The following SYT1 variants were observed in gnomAD, a reference collection of about 807,000 sequenced individuals.
SYT1 encodes synaptotagmin-1.
A neutral mutation model predicts 44.8 loss-of-function variants in SYT1; 8 were observed. The observed-to-expected ratio is 0.18, with a 90% CI of 0.10 to 0.32. SYT1 has a LOEUF of 0.32. Ranked by LOEUF, SYT1 falls within the 10% of genes least tolerant of loss-of-function variation. The probability of loss-of-function intolerance (pLI) is 1.00; values close to 1 mark genes in which losing one functional copy is unlikely to be tolerated. For synonymous variants in SYT1, 154 were observed against 188.8 expected, an observed-to-expected ratio of 0.82 and a Z score of 1.51; for missense variants, 286 against 509.3, an observed-to-expected ratio of 0.56 and a Z score of 4.22.
At chr12:79,345,249 A>T (rs1266586811) in intron 8 of SYT1, among the ~76,000 whole-genome samples, 1 of 152,216 alleles carries the variant, frequency 6.6e-6, no homozygotes. Flanking sequence ...TACAAAGAAC[A>T]TGCATTTGGG....
intron 9 of SYT1, among the ~76,000 whole-genome samples, chr12:79,365,361 TTATAAA>T (rs971728928): frequency 1.3e-5 from 2 of 152,076 alleles, no homozygotes; most frequent in Non-Finnish European, 1.5e-5. Context: ...AGTAATTCTC[TTATAAA>T]TATAACTATG....
At chr12:79,301,404 C>T (rs117659762) in intron 8 of SYT1, among the ~76,000 whole-genome samples, 16 of 152,186 alleles carry the variant, frequency 1.1e-4, no homozygotes, top group Admixed American at 3.3e-4. Context: ...TCTTTGAGTA[C>T]GAGCAGAGTT....
chr12:79,160,865 C>T (rs1253217714), intron 3 of SYT1, among the ~76,000 whole-genome samples: 1 of 152,050 alleles, frequency 6.6e-6, no homozygotes, highest in Non-Finnish European at 1.5e-5. Context: ...GTAAGCTATA[C>T]TTAGCAGAAG....
At chr12:79,104,810 G>A (rs925775875) in intron 3 of SYT1, among the ~76,000 whole-genome samples, 7 of 152,084 alleles carry the variant, frequency 4.6e-5, no homozygotes, top group African/African-American at 1.7e-4. Context: ...TTTGAAAGAG[G>A]AGAGAATGGG....
intron 2 of SYT1, among the ~76,000 whole-genome samples, chr12:79,034,863 T>C (rs904070530): frequency 2.0e-5 from 3 of 151,700 alleles, no homozygotes; most frequent in African/African-American, 7.3e-5. Context: ...TACCTGTAAG[T>C]TGGTGTCTTA....
At chr12:79,323,174 G>A (rs1323210259) in intron 8 of SYT1, among the ~76,000 whole-genome samples, 3 of 150,624 alleles carry the variant, frequency 2.0e-5, no homozygotes, top group African/African-American at 7.3e-5. Context: ...ACCTATCACA[G>A]CAGGACATAC....
chr12:79,416,135 TAA>T (rs1450032722), intron 9 of SYT1, among the ~76,000 whole-genome samples: 1 of 152,052 alleles, frequency 6.6e-6, no homozygotes, highest in Non-Finnish European at 1.5e-5. Context: ...AGAAAACTAA[TAA>T]GAGAGAGGGA....
At chr12:78,988,290 A>C (rs935413052) in intron 2 of SYT1, among the ~76,000 whole-genome samples, 3 of 151,454 alleles carry the variant, frequency 2.0e-5, no homozygotes, top group Non-Finnish European at 4.4e-5. Flanking sequence ...TAAACAACAT[A>C]AATATATCTA....
At chr12:78,971,123 C>T (rs1868369445) in intron 1 of SYT1, among the ~76,000 whole-genome samples, 2 of 152,086 alleles carry the variant, frequency 1.3e-5, no homozygotes, top group Non-Finnish European at 2.9e-5. Context: ...GAGATTGCAC[C>T]ACTGCACTCC....
In SYT1 at chr12:78,994,792, C is replaced by G. The variant is rs140621692; in HGVS notation, c.-84+16861C>G. ...CCTCGTGATCCACCCGCCTCGGCCTCCCAAAGTGCTGGGATTACAGGCGTG... is the reference window on the plus strand; with the variant it reads ...CCTCGTGATCCACCCGCCTCGGCCTGCCAAAGTGCTGGGATTACAGGCGTG... On this transcript the variant is annotated intron_variant, in intron 2 of 10. Coordinates refer to ENST00000261205, the MANE Select transcript of SYT1 (RefSeq NM_005639.3). Among the ~76,000 whole-genome samples the G allele has an allele frequency of 2.8e-4, 43 of 152,288 alleles. No homozygotes were observed. The East Asian group carries it at 8.3e-3, about 29-fold the overall frequency.
chr12:79,252,568 T>C (rs1877282690), intron 4 of SYT1, among the ~76,000 whole-genome samples: 1 of 152,144 alleles, frequency 6.6e-6, no homozygotes, highest in South Asian at 2.1e-4. Flanking sequence ...ATTTGATTGT[T>C]GATATGAGAT....
At chr12:79,444,876 T>C (rs1870619393) in intron 10 of SYT1, among the ~76,000 whole-genome samples, 1 of 152,152 alleles carries the variant, frequency 6.6e-6, no homozygotes, top group Non-Finnish European at 1.5e-5. Flanking sequence ...ATTTAGGGGT[T>C]TTTGAAAATA....
chr12:79,281,003 A>C (rs1429205057), intron 4 of SYT1, among the ~76,000 whole-genome samples: 1 of 151,734 alleles, frequency 6.6e-6, no homozygotes, highest in Non-Finnish European at 1.5e-5. Flanking sequence ...AAAAAAATAG[A>C]TACTGGCATG....
intron 9 of SYT1, among the ~76,000 whole-genome samples, chr12:79,428,673 G>A (rs1378068996): frequency 6.6e-6 from 1 of 152,128 alleles, no homozygotes; most frequent in African/African-American, 2.4e-5. Context: ...TTCTATTGTG[G>A]GACCACAGTC....
At chr12:78,911,561 T>C (rs571822324) in intron 1 of SYT1, among the ~76,000 whole-genome samples, 1 of 151,172 alleles carries the variant, frequency 6.6e-6, no homozygotes, top group East Asian at 2.0e-4. Flanking sequence ...GAGAAGATGC[T>C]GTATCAAAAA....
intron 3 of SYT1, among the ~76,000 whole-genome samples, chr12:79,067,081 C>A (rs1875921684): frequency 6.6e-6 from 1 of 152,140 alleles, no homozygotes; most frequent in Non-Finnish European, 1.5e-5. Flanking sequence ...AACCTTCCTG[C>A]CACAACAAGC....
intron 4 of SYT1, among the ~76,000 whole-genome samples, chr12:79,221,310 T>G (rs1450593923): frequency 1.3e-4 from 20 of 152,190 alleles, no homozygotes; most frequent in Admixed American, 1.2e-3. Flanking sequence ...TGTATGTCCT[T>G]ACAGATGAAC....
Position 79,110,301 on chromosome 12 carries a change from C to T in SYT1, c.-18+62939C>T, listed in dbSNP as rs577488567. Among the ~76,000 whole-genome samples, 6 of 152,010 alleles carry T rather than the reference C, an allele frequency of 3.9e-5. No individual in the cohort carries two copies. In the South Asian group the frequency reaches 1.2e-3, roughly 32 times the overall value. On this transcript the variant is annotated intron_variant, in intron 3 of 10. Transcript: ENST00000261205. ...TCCAATATTTTCTGTTAGGTTTTCT[C>T]TGTAATATGGCACAGGAAAAAATAA...
intron 1 of SYT1, among the ~76,000 whole-genome samples, chr12:78,973,116 T>C (rs1565743291): frequency 6.6e-6 from 1 of 152,182 alleles, no homozygotes; most frequent in Non-Finnish European, 1.5e-5. Flanking sequence ...AACTGTTTCT[T>C]TTAAATTTAT....
Sources: allele counts gnomAD v4.1 joint callset (sites outside exome capture counted in the v4.1 genomes callset), GRCh38; gene constraint gnomAD v4.1.1; transcripts MANE v1.5; gene names NCBI Gene and HGNC (gene_info 2026-07-23, HGNC 2026-07-21).